The following ZNF568 variants were observed in gnomAD, a reference collection of about 807,000 sequenced individuals.
The protein encoded by ZNF568 is p53 inhibitor of SCO2 activation.
A neutral mutation model predicts 18.1 loss-of-function variants in ZNF568; 11 were observed. That is an observed-to-expected ratio of 0.61 (90% confidence interval 0.38 to 1.00). The LOEUF (loss-of-function observed/expected upper bound fraction) is 1.00. ZNF568 is among the 50% of genes least tolerant of loss of function. ZNF568 has a pLI of 0.01. For missense variants in ZNF568, 639 were observed against 768.2 expected (o/e 0.83, Z 1.99); for synonymous variants, 213 against 246.6 (o/e 0.86, Z 1.28).
Position 36,952,728 on chromosome 19 carries a change from A to G in ZNF568, c.*1640A>G. The G allele has an allele frequency of 4.3e-6, 3 of 694,426 alleles. No homozygotes were observed. Among genetic ancestry groups the G allele is most frequent in the Non-Finnish European group, 5.3e-6 (3 of 564,362 alleles). 43.0% of individuals were successfully genotyped at this position (694,426 alleles called of 1,614,324 possible). ...AATAAATCTTAAAAGCTAATTATAC[A>G]CAATGACAATATGAATGTTTACTTG... On this transcript the variant is annotated 3_prime_UTR_variant, in exon 7 of 7. Transcript: ENST00000333987.
At chr19:36,958,616 C>CTTTTTTTTTTTTTTTT (rs35494587) in intron 6 of ZNF568, among the ~76,000 whole-genome samples, 4 of 99,128 alleles carry the variant, frequency 4.0e-5, no homozygotes, top group African/African-American at 8.9e-5. Flanking sequence ...CTTTTTCTTT[C>CTTTTTTTTTTTTTTTT]TTTTTTTTTT....
At chr19:36,948,533 C>A (rs1436573001) in intron 6 of ZNF568, among the ~76,000 whole-genome samples, 2 of 152,124 alleles carry the variant, frequency 1.3e-5, no homozygotes, top group African/African-American at 4.8e-5. Flanking sequence ...TAAGAAACTG[C>A]CAGACTGTCT....
intron 4 of ZNF568, among the ~76,000 whole-genome samples, chr19:36,928,957 T>G (rs911615158): frequency 1.3e-5 from 2 of 152,172 alleles, no homozygotes; most frequent in Non-Finnish European, 2.9e-5. Flanking sequence ...ATAACAATTC[T>G]AAATTATTTT....
intron 6 of ZNF568, among the ~76,000 whole-genome samples, chr19:36,969,705 T>C (rs1307347607): frequency 1.3e-5 from 2 of 151,816 alleles, no homozygotes; most frequent in East Asian, 3.9e-4. Flanking sequence ...TCTCTGACTC[T>C]GACCCTCCTG....
At chr19:36,922,503 C>T (rs2073474334) in intron 2 of ZNF568, 83 bp from the exon 3 acceptor site, 4 of 344,936 alleles carry the variant, frequency 1.2e-5, no homozygotes, top group Non-Finnish European at 2.1e-5. Flanking sequence ...ACGGTGGTCA[C>T]TGGGGGCCAT....
At position 36,936,883 on chromosome 19, in the gene ZNF568, T is replaced by C. The variant is rs749376647; in HGVS notation, c.262+11T>C. 1 of 1,609,976 alleles carries C rather than the reference T, an allele frequency of 6.2e-7. No individual in the cohort carries two copies. Among genetic ancestry groups the C allele is most frequent in the East Asian group, 2.2e-5 (1 of 44,816 alleles). On this transcript the variant is annotated intron_variant, in intron 5 of 6. Coordinates refer to ENST00000333987, the MANE Select transcript of ZNF568 (RefSeq NM_198539.4). ...ACCTAGTCACAGTGGGTAAGGTGGCTTGGTAGCCTTGCAATTTAACAGAGA... is the reference window on the plus strand; with the variant it reads ...ACCTAGTCACAGTGGGTAAGGTGGCCTGGTAGCCTTGCAATTTAACAGAGA...
At position 36,916,954 on chromosome 19, in the gene ZNF568, C is replaced by G. The variant is rs2073348225; in HGVS notation, c.-256+363C>G. ...TGCTGTCTTTTTTACCCTAGTAGCC[C>G]TTGGCCCTTTGTAATTTTCCACTAT... is the stretch of plus-strand genomic sequence containing the variant. On this transcript the variant is annotated intron_variant, in intron 1 of 6. Coordinates refer to ENST00000333987, the MANE Select transcript of ZNF568 (RefSeq NM_198539.4). The surrounding 1 kb of genome is among the most constrained non-coding windows in gnomAD (Gnocchi z 5.3). Among the ~76,000 whole-genome samples, 1 of 152,102 alleles carries G rather than the reference C, an allele frequency of 6.6e-6. No individual in the cohort carries two copies. Among genetic ancestry groups the G allele is most frequent in the Non-Finnish European group, 1.5e-5 (1 of 68,024 alleles).
chr19:36,945,210 A>AGTGTGTGTGTGTGTGT (rs10616521), intron 6 of ZNF568, among the ~76,000 whole-genome samples: 9 of 141,854 alleles, frequency 6.3e-5, no homozygotes, highest in African/African-American at 1.6e-4. Context: ...CAGAGAGAGA[A>AGTGTGTGTGTGTGTGT]GTGTGTGTGT....
intron 4 of ZNF568, among the ~76,000 whole-genome samples, chr19:36,932,970 T>C (rs934606324): frequency 2.0e-5 from 3 of 152,194 alleles, no homozygotes; most frequent in Non-Finnish European, 4.4e-5. Flanking sequence ...TCCTATCCTC[T>C]GGGTTGTCTT....
Position 36,921,322 on chromosome 19 carries a change from G to A in ZNF568, c.-185-1264G>A, listed in dbSNP as rs547111810. On this transcript the variant is annotated intron_variant, in intron 2 of 6. Transcript: ENST00000333987. Reference sequence around the variant, plus strand: ...ACTAAAAATACAAAATTAGCCGGGCGTGGTGGCGCATGCCTGTAATCCCAG... The same window carrying A: ...ACTAAAAATACAAAATTAGCCGGGCATGGTGGCGCATGCCTGTAATCCCAG... Among the ~76,000 whole-genome samples the A allele has an allele frequency of 6.6e-5, 10 of 152,148 alleles. No individual in the cohort carries two copies. In the South Asian group the frequency reaches 8.3e-4, roughly 13 times the overall value.
At chr19:36,943,584 A>C (rs944089159) in intron 6 of ZNF568, among the ~76,000 whole-genome samples, 3 of 151,426 alleles carry the variant, frequency 2.0e-5, no homozygotes, top group Non-Finnish European at 4.4e-5. Context: ...TATTATTATT[A>C]TAATATTGAA....
At chr19:36,970,754 T>A (rs562950854) in intron 6 of ZNF568, among the ~76,000 whole-genome samples, 3 of 152,318 alleles carry the variant, frequency 2.0e-5, no homozygotes, top group African/African-American at 2.4e-5. Flanking sequence ...AATTCAGCTA[T>A]AACCATCTGG....
downstream of ZNF568, among the ~76,000 whole-genome samples, chr19:36,953,678 G>A (rs746790173): frequency 4.6e-5 from 7 of 151,702 alleles, no homozygotes; most frequent in Non-Finnish European, 1.0e-4. Flanking sequence ...TTGGGAGGCC[G>A]AGGCGGGTGG....
downstream of ZNF568, among the ~76,000 whole-genome samples, chr19:36,980,869 G>A (rs892831817): frequency 1.3e-5 from 2 of 152,112 alleles, no homozygotes; most frequent in Non-Finnish European, 2.9e-5. Flanking sequence ...GATACCACAC[G>A]GCTCAAAGTC....
chr19:36,943,383 C>G (rs193027975), intron 6 of ZNF568, among the ~76,000 whole-genome samples: 8 of 152,236 alleles, frequency 5.3e-5, no homozygotes, highest in Admixed American at 2.0e-4. Flanking sequence ...AAAACTCTCT[C>G]ATTAACTATT....
intron 7 of ZNF568, among the ~76,000 whole-genome samples, chr19:36,977,478 C>A (rs550353728): frequency 6.6e-6 from 1 of 152,210 alleles, no homozygotes; most frequent in Non-Finnish European, 1.5e-5. Context: ...TTAATTCTGG[C>A]CAGTCCTCAA....
chr19:36,928,633 T>C (rs2073625956), intron 4 of ZNF568, among the ~76,000 whole-genome samples: 1 of 152,174 alleles, frequency 6.6e-6, no homozygotes, highest in African/African-American at 2.4e-5. Flanking sequence ...GATACAATTA[T>C]GTTTTTAGGC....
intron 7 of ZNF568, chr19:36,978,885 A>G: frequency 3.8e-6 from 1 of 266,310 alleles, no homozygotes; most frequent in Non-Finnish European, 7.4e-6. Flanking sequence ...GAACCTAGTC[A>G]AGAACAGCAT....
intron 2 of ZNF568, among the ~76,000 whole-genome samples, chr19:36,919,193 CTG>C (rs1462281401): frequency 4.6e-5 from 7 of 152,144 alleles, no homozygotes; most frequent in African/African-American, 1.2e-4. Context: ...TCGATAATGA[CTG>C]AACCATTTTA....
Sources: gnomAD v4.1 joint callset for allele counts (sites outside exome capture counted in the v4.1 genomes callset) on GRCh38, gnomAD v4.1.1 for gene constraint, Gnocchi (gnomAD v3.1) non-coding constraint, MANE v1.5 for transcripts, NCBI Gene and HGNC (gene_info 2026-07-23, HGNC 2026-07-21) for gene names.